Variants in CTNNA3 observed in about 807,000 individuals in gnomAD.
CTNNA3 encodes catenin alpha-3.
Under a neutral mutation model 95.7 loss-of-function variants are expected in CTNNA3, and 76 were observed. The ratio of observed to expected loss-of-function variants is 0.79; its 90% CI spans 0.66 to 0.96. The LOEUF (loss-of-function observed/expected upper bound fraction) is 0.96, where lower values mean the gene tolerates loss of function less well. Ranked by LOEUF, CTNNA3 falls within the 40% of genes least tolerant of loss-of-function variation. The probability of loss-of-function intolerance (pLI) is 0.00; values close to 1 mark genes in which losing one functional copy is unlikely to be tolerated. For synonymous variants in CTNNA3, 431 were observed against 374.4 expected (o/e 1.15, Z -1.74); for missense variants, 1,191 against 1,089.8 (o/e 1.09, Z -1.31).
intron 5 of CTNNA3, among the ~76,000 whole-genome samples, chr10:67,352,528 TA>T (rs1029250151): frequency 2.1e-4 from 30 of 145,618 alleles, no homozygotes; most frequent in South Asian, 4.3e-4. Flanking sequence ...TGCAAAAGAA[TA>T]AAAAAAAAAG....
At chr10:67,750,297 T>TGGA in intron 1 of CTNNA3, 1 of 1,522,462 alleles carries the variant, frequency 6.6e-7, no homozygotes, top group Non-Finnish European at 9.1e-7. Context: ...GCCATCTTTG[T>TGGA]GGAGCTCAAT....
At chr10:66,995,569 TA>T (rs1340211815) in intron 7 of CTNNA3, among the ~76,000 whole-genome samples, 2 of 152,220 alleles carry the variant, frequency 1.3e-5, no homozygotes, top group African/African-American at 4.8e-5. Context: ...TCTTGCAGGA[TA>T]AATTACAAAT....
chr10:66,738,275 A>C (rs987874320), intron 9 of CTNNA3, among the ~76,000 whole-genome samples: 17 of 152,198 alleles, frequency 1.1e-4, no homozygotes, highest in African/African-American at 4.1e-4. Context: ...TGCATTCTTA[A>C]TGTACTTTTC....
intron 16 of CTNNA3, among the ~76,000 whole-genome samples, chr10:65,967,345 AT>A (rs898010012): frequency 6.6e-6 from 1 of 152,188 alleles, no homozygotes; most frequent in African/African-American, 2.4e-5. Flanking sequence ...TTCAGATTAT[AT>A]TTTTGGTAAA....
intron 10 of CTNNA3, among the ~76,000 whole-genome samples, chr10:66,551,991 C>T (rs1403809082): frequency 6.7e-6 from 1 of 149,898 alleles, no homozygotes; most frequent in African/African-American, 2.5e-5. Flanking sequence ...GCAACCTCTG[C>T]CTCCTGGGTT....
intron 15 of CTNNA3, among the ~76,000 whole-genome samples, chr10:66,049,387 C>A (rs776169907): frequency 7.9e-5 from 12 of 152,288 alleles, no homozygotes; most frequent in Non-Finnish European, 1.6e-4. Flanking sequence ...GGCAATTCCT[C>A]CAAGAGCTAA....
intron 11 of CTNNA3, among the ~76,000 whole-genome samples, chr10:66,493,885 G>A (rs1470834361): frequency 6.7e-6 from 1 of 148,598 alleles, no homozygotes; most frequent in Non-Finnish European, 1.5e-5. Context: ...GATTACAGGC[G>A]TGAGCCACTG....
intron 13 of CTNNA3, among the ~76,000 whole-genome samples, chr10:66,255,416 A>G (rs9633542): frequency 0.07 from 10,670 of 152,052 alleles, 691 homozygotes; most frequent in African/African-American, 0.17. Context: ...TGACCCACAA[A>G]CTCTTTAAAC....
intron 9 of CTNNA3, among the ~76,000 whole-genome samples, chr10:66,726,169 G>T (rs1848775508): frequency 6.6e-6 from 1 of 151,960 alleles, no homozygotes; most frequent in Admixed American, 6.6e-5. Context: ...TTATATTTTA[G>T]AAATACTCTC....
intron 13 of CTNNA3, among the ~76,000 whole-genome samples, chr10:66,217,221 G>A (rs1210870315): frequency 1.3e-5 from 2 of 152,004 alleles, no homozygotes; most frequent in Admixed American, 6.5e-5. Context: ...GGGCGTGGTG[G>A]TGGGTGCTTG....
intron 7 of CTNNA3, among the ~76,000 whole-genome samples, chr10:66,784,255 A>G (rs556575437): frequency 3.3e-5 from 5 of 152,334 alleles, no homozygotes; most frequent in African/African-American, 1.2e-4. Flanking sequence ...GTTAAATTAA[A>G]GCCTCCACTT....
intron 9 of CTNNA3, among the ~76,000 whole-genome samples, chr10:66,737,691 C>T (rs1564649233): frequency 6.7e-6 from 1 of 150,106 alleles, no homozygotes; most frequent in Admixed American, 6.6e-5. Flanking sequence ...GATGGAGTCT[C>T]GCTCTGTCAC....
chr10:67,685,166 G>A (rs1426458401), intron 1 of CTNNA3, among the ~76,000 whole-genome samples: 1 of 152,200 alleles, frequency 6.6e-6, no homozygotes, highest in Non-Finnish European at 1.5e-5. Context: ...GATAATACAT[G>A]TTACTCCGTT....
At chr10:67,147,006 G>T (rs1860880059) in intron 7 of CTNNA3, among the ~76,000 whole-genome samples, 1 of 152,140 alleles carries the variant, frequency 6.6e-6, no homozygotes, top group South Asian at 2.1e-4. Flanking sequence ...TACCATGCAG[G>T]TTTGTGTAAG....
At position 66,809,840 on chromosome 10, in the gene CTNNA3, T is replaced by G. The variant is rs117798590; in HGVS notation, c.1048-34316A>C. ...TTTTTTTGAGACAAAGTCTCGCCCT[T>G]GTCCTCCAGGCTGGAGTACAATGGC... On this transcript the variant is annotated intron_variant, in intron 7 of 17. Transcript: ENST00000433211. 9.7e-3 allele frequency among the ~76,000 whole-genome samples: 1,472 copies of G among 151,458 alleles called. 12 individuals are homozygous for G. Among genetic ancestry groups the G allele is most frequent in the Middle Eastern group, 0.041 (12 of 292 alleles).
At position 67,147,883 on chromosome 10, in the gene CTNNA3, A is replaced by G. The variant is rs533325774; in HGVS notation, c.1047+32434T>C. On this transcript the variant is annotated intron_variant, in intron 7 of 17. Coordinates refer to ENST00000433211, the MANE Select transcript of CTNNA3 (RefSeq NM_013266.4). ...TTTAGACATTATTTGCATTTCTTCA[A>G]AGCCTAGTATCTTATTAGGTAAGCA... Among the ~76,000 whole-genome samples, 5 of 152,324 alleles carry G rather than the reference A, an allele frequency of 3.3e-5. No individual in the cohort carries two copies. In the East Asian group the frequency reaches 9.7e-4, roughly 29 times the overall value.
At position 66,909,785 on chromosome 10, in the gene CTNNA3, AATC is replaced by A. The variant is rs371561476; in HGVS notation, c.1048-134264_1048-134262del. 3.6e-3 allele frequency among the ~76,000 whole-genome samples: 542 copies of A among 152,298 alleles called. 2 individuals are homozygous for A. Among genetic ancestry groups the A allele is most frequent in the African/African-American group, 0.012 (514 of 41,560 alleles). On this transcript the variant is annotated intron_variant, in intron 7 of 17. Coordinates refer to ENST00000433211, the MANE Select transcript of CTNNA3 (RefSeq NM_013266.4). ...TCACATCTTGGGTAACAGATTTGTG[AATC>A]AACTACAGGTATTCCCAGAGAACCA...
intron 7 of CTNNA3, among the ~76,000 whole-genome samples, chr10:67,141,309 T>G (rs2132041407): frequency 6.6e-6 from 1 of 152,134 alleles, no homozygotes; most frequent in Admixed American, 6.5e-5. Flanking sequence ...TAAGATTTTT[T>G]TTTTACAAGC....
At chr10:66,551,122 T>A (rs1842201970) in intron 10 of CTNNA3, among the ~76,000 whole-genome samples, 1 of 152,196 alleles carries the variant, frequency 6.6e-6, no homozygotes, top group Non-Finnish European at 1.5e-5. Context: ...CACTTTGGCA[T>A]CATTCCCTTT....
Sources: gnomAD v4.1 joint callset for allele counts (sites outside exome capture counted in the v4.1 genomes callset) on GRCh38, gnomAD v4.1.1 for gene constraint, MANE v1.5 for transcripts, NCBI Gene and HGNC (gene_info 2026-07-23, HGNC 2026-07-21) for gene names.